HERC4: variants seen among roughly 807,000 people sequenced by gnomAD.
HERC4 encodes probable E3 ubiquitin-protein ligase HERC4.
HERC4 carries 28 observed loss-of-function variants against 124.3 expected under a neutral mutation model. That is an observed-to-expected ratio of 0.23 (90% CI 0.17 to 0.31). The LOEUF (loss-of-function observed/expected upper bound fraction) is 0.31, where lower values mean the gene tolerates loss of function less well. HERC4 is among the 10% of genes least tolerant of loss of function. The probability of loss-of-function intolerance (pLI) is 1.00; values close to 1 mark genes in which losing one functional copy is unlikely to be tolerated. For synonymous variants in HERC4, 407 were observed against 421.5 expected (o/e 0.97, Z 0.42); for missense variants, 713 against 1,229.3 (o/e 0.58, Z 6.28).
chr10:68,000,741 T>C (rs1168187298), intron 9 of HERC4, among the ~76,000 whole-genome samples: 1 of 152,150 alleles, frequency 6.6e-6, no homozygotes. Context: ...GGAATTTGGA[T>C]GCAGACACGT....
chr10:68,003,343 T>G (rs879293166), intron 9 of HERC4, among the ~76,000 whole-genome samples: 11,022 of 149,868 alleles, frequency 0.074, 459 homozygotes, highest in East Asian at 0.11. Flanking sequence ...TTTTTTTTTT[T>G]TTTGTATTTT....
At chr10:67,977,684 C>A (rs908834983) in intron 15 of HERC4, among the ~76,000 whole-genome samples, 2 of 152,132 alleles carry the variant, frequency 1.3e-5, no homozygotes, top group Non-Finnish European at 2.9e-5. Flanking sequence ...CACAAGCTGA[C>A]TAAAGAGCCC....
intron 21 of HERC4, among the ~76,000 whole-genome samples, chr10:67,938,131 A>G (rs1327526440): frequency 6.6e-6 from 1 of 152,010 alleles, no homozygotes; most frequent in East Asian, 1.9e-4. Context: ...AAACAAATAT[A>G]CAAGCAAAAA....
At chr10:68,027,188 C>T (rs919780221) in intron 7 of HERC4, among the ~76,000 whole-genome samples, 2 of 152,244 alleles carry the variant, frequency 1.3e-5, no homozygotes, top group Non-Finnish European at 2.9e-5. Context: ...CATTTAATAG[C>T]GTTACTACAT....
chr10:68,051,688 TTTC>T (rs1402229195), intron 3 of HERC4, among the ~76,000 whole-genome samples: 13 of 147,194 alleles, frequency 8.8e-5, no homozygotes, highest in African/African-American at 2.5e-4. Flanking sequence ...CAACTTTTCT[TTTC>T]TTTTTTTTTT....
intron 15 of HERC4, among the ~76,000 whole-genome samples, chr10:67,967,914 GA>G (rs11398946): frequency 6.7e-6 from 1 of 149,930 alleles, no homozygotes; most frequent in African/African-American, 2.5e-5. Context: ...AGCAGGGATT[GA>G]AAAAAAAAGG....
At chr10:67,976,397 C>T (rs1475561632) in intron 15 of HERC4, among the ~76,000 whole-genome samples, 1 of 152,188 alleles carries the variant, frequency 6.6e-6, no homozygotes, top group Non-Finnish European at 1.5e-5. Context: ...ATATGATTCA[C>T]ATCCCACTGA....
chr10:67,971,773 T>C (rs1027042040), intron 15 of HERC4, among the ~76,000 whole-genome samples: 2 of 151,988 alleles, frequency 1.3e-5, no homozygotes, highest in Admixed American at 6.6e-5. Flanking sequence ...TTCAACATTG[T>C]ACTGAAATTC....
chr10:68,009,512 A>G (rs2037803264), intron 9 of HERC4, among the ~76,000 whole-genome samples: 1 of 152,200 alleles, frequency 6.6e-6, no homozygotes, highest in South Asian at 2.1e-4. Flanking sequence ...AAAAATGCTA[A>G]CGATCAATTG....
At position 67,988,471 on chromosome 10, in the gene HERC4, A is replaced by G. The variant is rs550447937; in HGVS notation, c.1806+192T>C. Among the ~76,000 whole-genome samples, 33 of 152,218 alleles carry G rather than the reference A, an allele frequency of 2.2e-4. 1 individual carries two copies. The South Asian group carries it at 6.6e-3, about 31-fold the overall frequency. On this transcript the variant is annotated intron_variant, in intron 15 of 24. Coordinates refer to ENST00000373700, the MANE Select transcript of HERC4 (RefSeq NM_015601.4). ...TTATCTATACATGCCTAACAAAGTC[A>G]GGTAAGACCAGAGCTCCAAAGGACA... is the stretch of plus-strand genomic sequence containing the variant.
intron 19 of HERC4, among the ~76,000 whole-genome samples, chr10:67,947,927 G>C (rs1246725020): frequency 6.9e-6 from 1 of 145,590 alleles, no homozygotes; most frequent in Non-Finnish European, 1.5e-5. Flanking sequence ...CTGACCTGGT[G>C]ATCTGCCCAC....
rs546570361 is a variant in HERC4 at position 68,007,419 on chromosome 10, A to C, written c.1069+6607T>G. 2.6e-5 allele frequency among the ~76,000 whole-genome samples: 4 copies of C among 152,252 alleles called. No individual in the cohort carries two copies. In the South Asian group the frequency reaches 8.3e-4, roughly 32 times the overall value. ...TCAAAACAGCTGTTTTGAATTTCTGAAAAGTCACATGGCTTTGTCTCTTCA... is the reference window on the plus strand; with the variant it reads ...TCAAAACAGCTGTTTTGAATTTCTGCAAAGTCACATGGCTTTGTCTCTTCA... On this transcript the variant is annotated intron_variant, in intron 9 of 24. Coordinates refer to ENST00000373700, the MANE Select transcript of HERC4 (RefSeq NM_015601.4).
intron 19 of HERC4, among the ~76,000 whole-genome samples, chr10:67,947,935 C>T (rs12218640): frequency 0.084 from 12,605 of 149,648 alleles, 975 homozygotes; most frequent in East Asian, 0.4. Context: ...GTGATCTGCC[C>T]ACCTTGGCCT....
chr10:67,934,396 C>T (rs2032139023), intron 22 of HERC4, among the ~76,000 whole-genome samples: 1 of 152,056 alleles, frequency 6.6e-6, no homozygotes, highest in Non-Finnish European at 1.5e-5. Flanking sequence ...TATTTCTCTC[C>T]TTGAGCCCTC....
At position 67,991,311 on chromosome 10, in the gene HERC4, C is replaced by T. The variant is rs938488231; in HGVS notation, c.1272-112G>A. 3 of 530,364 alleles carry T rather than the reference C, an allele frequency of 5.7e-6. No homozygotes were observed. In the African/African-American group the frequency reaches 5.9e-5, roughly 10 times the overall value. The allele number at this position is 530,364 out of a possible 1,614,324, so 32.9% of individuals were successfully genotyped here. ...TAATCTAATGTTTAATGCTACAGAG[C>T]ACTCCTCTAACACCCAATTAGATGA... is the stretch of plus-strand genomic sequence containing the variant. On this transcript the variant is annotated intron_variant, in intron 11 of 24. Transcript: ENST00000373700.
chr10:67,985,453 C>G (rs2036204971), intron 15 of HERC4, among the ~76,000 whole-genome samples: 1 of 152,172 alleles, frequency 6.6e-6, no homozygotes, highest in African/African-American at 2.4e-5. Context: ...ACTTTTATTT[C>G]ACATTTTAAT....
chr10:67,988,569 A>G, intron 15 of HERC4, 94 bp downstream of exon 15: 1 of 865,760 alleles, frequency 1.2e-6, no homozygotes, highest in Non-Finnish European at 1.7e-6. Flanking sequence ...GTTTTTGCCA[A>G]TCTAAATCTT....
At chr10:67,968,883 A>T (rs1376909303) in intron 15 of HERC4, among the ~76,000 whole-genome samples, 2 of 152,218 alleles carry the variant, frequency 1.3e-5, no homozygotes, top group Admixed American at 6.5e-5. Flanking sequence ...AGAAAAAAAT[A>T]GACAAAACCA....
intron 16 of HERC4, among the ~76,000 whole-genome samples, chr10:67,959,491 T>C (rs899391606): frequency 3.3e-5 from 5 of 152,116 alleles, no homozygotes; most frequent in African/African-American, 7.2e-5. Context: ...GCTCAGTTTT[T>C]CTACTTAAAA....
Sources: gnomAD v4.1 joint callset for allele counts (sites outside exome capture counted in the v4.1 genomes callset) on GRCh38, gnomAD v4.1.1 for gene constraint, MANE v1.5 for transcripts, NCBI Gene and HGNC (gene_info 2026-07-23, HGNC 2026-07-21) for gene names.